The following RAD54L2 variants were observed in gnomAD, a reference collection of about 807,000 sequenced individuals.
RAD54L2 encodes the protein RAD54 like 2.
A neutral mutation model predicts 138.4 loss-of-function variants in RAD54L2; 27 were observed. The ratio of observed to expected loss-of-function variants is 0.20; its 90% CI spans 0.14 to 0.27. RAD54L2 has a LOEUF of 0.27. Among genes scored for constraint, RAD54L2 ranks in the 10% least tolerant of loss-of-function variants. The probability of loss-of-function intolerance (pLI) is 1.00; values close to 1 mark genes in which losing one functional copy is unlikely to be tolerated. For missense variants in RAD54L2, 1,396 were observed against 1,890.2 expected (o/e 0.74, Z 4.85); for synonymous variants, 644 against 723.2 (o/e 0.89, Z 1.76).
chr3:51,656,396 G>A (rs1323332938), intron 20 of RAD54L2, among the ~76,000 whole-genome samples: 1 of 152,188 alleles, frequency 6.6e-6, no homozygotes, highest in African/African-American at 2.4e-5. Flanking sequence ...TTTGGTGGGT[G>A]AGATAGACTC....
intron 15 of RAD54L2, 25 bp downstream of exon 15, chr3:51,641,892 T>C (rs1457609939): frequency 2.6e-6 from 4 of 1,512,710 alleles, no homozygotes; most frequent in Non-Finnish European, 2.7e-6. Flanking sequence ...GCGTTGTTCT[T>C]GAAGCCTTGG....
At chr3:51,546,952 C>A (rs1698712852) in intron 2 of RAD54L2, among the ~76,000 whole-genome samples, 1 of 151,978 alleles carries the variant, frequency 6.6e-6, no homozygotes, top group African/African-American at 2.4e-5. Context: ...TCGCTTGAAT[C>A]CGGGAGGCAA....
At chr3:51,658,151 C>T (rs1327959617) in intron 21 of RAD54L2, among the ~76,000 whole-genome samples, 1 of 150,910 alleles carries the variant, frequency 6.6e-6, no homozygotes, top group Non-Finnish European at 1.5e-5. Flanking sequence ...CCAGGATGGT[C>T]TCGATTTCTT....
chr3:51,608,690 G>A (rs1243772029), intron 3 of RAD54L2, among the ~76,000 whole-genome samples: 1 of 152,230 alleles, frequency 6.6e-6, no homozygotes, highest in Non-Finnish European at 1.5e-5. Context: ...GTCAGGTGTG[G>A]CGGCGCACGC....
At chr3:51,552,561 C>CTTTTTTTT in intron 2 of RAD54L2, among the ~76,000 whole-genome samples, 1 of 106,752 alleles carries the variant, frequency 9.4e-6, no homozygotes, top group Non-Finnish European at 1.9e-5. Flanking sequence ...TGCGCCTGGC[C>CTTTTTTTT]TTTTTTTTTT....
At chr3:51,545,178 T>A (rs1264638260) in intron 2 of RAD54L2, among the ~76,000 whole-genome samples, 6 of 152,138 alleles carry the variant, frequency 3.9e-5, no homozygotes, top group African/African-American at 1.2e-4. Flanking sequence ...GTTACCCTCC[T>A]GGATCTTTTT....
intron 1 of RAD54L2, chr3:51,541,276 T>C (rs1698541285): frequency 6.6e-6 from 1 of 152,168 alleles, no homozygotes; most frequent in African/African-American, 2.4e-5. Context: ...TGAATAAAGT[T>C]TTTATAATGT....
At chr3:51,551,551 T>G (rs1698837845) in intron 2 of RAD54L2, among the ~76,000 whole-genome samples, 1 of 151,504 alleles carries the variant, frequency 6.6e-6, no homozygotes, top group African/African-American at 2.4e-5. Flanking sequence ...TTCTCGTTCC[T>G]CAGCCTTCCA....
At chr3:51,595,628 G>A (rs1419624225) in intron 3 of RAD54L2, among the ~76,000 whole-genome samples, 1 of 152,196 alleles carries the variant, frequency 6.6e-6, no homozygotes, top group Non-Finnish European at 1.5e-5. Flanking sequence ...GGCTGTTGGA[G>A]AACAGCACCA....
chr3:51,636,889 C>T (rs556649458), intron 10 of RAD54L2, among the ~76,000 whole-genome samples: 7 of 151,990 alleles, frequency 4.6e-5, no homozygotes, highest in African/African-American at 1.7e-4. Flanking sequence ...GCGGAGATTG[C>T]GCCACTGCAC....
At chr3:51,613,882 G>A (rs1700388283) in intron 3 of RAD54L2, among the ~76,000 whole-genome samples, 1 of 152,150 alleles carries the variant, frequency 6.6e-6, no homozygotes, top group Non-Finnish European at 1.5e-5. Context: ...ATTTGGCCCT[G>A]AAGGGGACAT....
chr3:51,641,930 TTC>T (rs1400597250), intron 15 of RAD54L2, 63 bp downstream of exon 15: 4 of 1,093,186 alleles, frequency 3.7e-6, no homozygotes, highest in African/African-American at 1.6e-5. Context: ...TTTCCTTTCC[TTC>T]TCTCTCTTTC....
Position 51,639,890 on chromosome 3 carries a change from C to A in RAD54L2, c.2122C>A (p.Leu708Ile). The A allele has an allele frequency of 6.2e-7, 1 of 1,604,144 alleles. No homozygotes were observed. Among genetic ancestry groups the A allele is most frequent in the East Asian group, 2.2e-5 (1 of 44,746 alleles). ...NIVTYEWAKD[L>I]LTNYQTGVLE... ...TGTTTCTCTCTTGCAGGCCAAGGAC[C>A]TTCTGACTAATTACCAGACTGGAGT... The change falls in exon 14 of 23, where the codon CTT becomes ATT. Residue 708 changes from leucine to isoleucine, a missense_variant. By Grantham distance (5) the Leu-to-Ile change is conservative (BLOSUM62 2). Transcript: ENST00000684192.
At chr3:51,650,849 C>G (rs146732304) in intron 19 of RAD54L2, among the ~76,000 whole-genome samples, 3 of 152,060 alleles carry the variant, frequency 2.0e-5, no homozygotes, top group Non-Finnish European at 4.4e-5. Context: ...TATCTAAAAT[C>G]AACACCCTAA....
At position 51,639,959 on chromosome 3, in the gene RAD54L2, G is replaced by A. The variant is rs373069806; in HGVS notation, c.2191G>A (p.Glu731Lys). The A allele has an allele frequency of 2.9e-5, 47 of 1,611,620 alleles. No homozygotes were observed. Among genetic ancestry groups the A allele is most frequent in the Admixed American group, 1.7e-5 (1 of 59,918 alleles). The part of the protein sequence containing the change: ...PKMVLLFHLI[E>K]ESVKLGDKIL... The stretch of plus-strand genomic sequence containing the variant: ...GATGGTACTGCTTTTCCACCTGATT[G>A]AGGAAAGTGTGAAGCTTGGGGACAA... The change falls in exon 14 of 23, where the codon GAG becomes AAG. Residue 731 changes from glutamate to lysine, a missense_variant. Physicochemically the swap from Glu to Lys is moderately conservative, Grantham distance 56. Transcript: ENST00000684192.
chr3:51,578,050 T>C (rs566472868), intron 2 of RAD54L2, among the ~76,000 whole-genome samples: 3 of 152,278 alleles, frequency 2.0e-5, no homozygotes, highest in East Asian at 1.9e-4. Context: ...AATACTATTA[T>C]CTAATTTATA....
chr3:51,592,800 C>T (rs1444970547), intron 3 of RAD54L2, among the ~76,000 whole-genome samples: 1 of 152,096 alleles, frequency 6.6e-6, no homozygotes, highest in Admixed American at 6.6e-5. Flanking sequence ...GTCTTGAACT[C>T]CTGACCTCAG....
intron 3 of RAD54L2, among the ~76,000 whole-genome samples, chr3:51,621,174 A>C (rs944145154): frequency 6.6e-6 from 1 of 152,234 alleles, no homozygotes; most frequent in Non-Finnish European, 1.5e-5. Flanking sequence ...AACAGCAAAA[A>C]TGAAGCACTT....
At position 51,660,028 on chromosome 3, in the gene RAD54L2, A is replaced by T. The variant is rs1359127670; in HGVS notation, c.3319A>T (p.Thr1107Ser). Residue 1107 changes from threonine to serine, a missense_variant and splice_region_variant, in exon 22 of 23, where the codon ACG becomes TCG. Thr to Ser is a moderately conservative substitution (Grantham distance 58). Coordinates refer to ENST00000684192, the MANE Select transcript of RAD54L2 (RefSeq NM_015106.4). ...GTCTTCTTCGTGTCTATTCTTAGGGACGTACATCCGTACCAGTGATGGACG... is the reference window on the plus strand; with the variant it reads ...GTCTTCTTCGTGTCTATTCTTAGGGTCGTACATCCGTACCAGTGATGGACG... ...SIHIIRGTKG[T>S]YIRTSDGRIF... The T allele has an allele frequency of 2.5e-6, 4 of 1,573,958 alleles. No individual in the cohort carries two copies. The highest frequency in any genetic ancestry group is 3.4e-4 in the Middle Eastern group (2 of 5,950).
Sources: allele counts gnomAD v4.1 joint callset (sites outside exome capture counted in the v4.1 genomes callset), GRCh38; gene constraint gnomAD v4.1.1; transcripts MANE v1.5; gene names NCBI Gene and HGNC (gene_info 2026-07-23, HGNC 2026-07-21).